The following USP31 variants were observed in gnomAD, a reference collection of about 807,000 sequenced individuals.
USP31 encodes ubiquitin specific peptidase 31.
A neutral mutation model predicts 119.4 loss-of-function variants in USP31; 44 were observed. That is an observed-to-expected ratio of 0.37 (90% confidence interval 0.29 to 0.47). The LOEUF (loss-of-function observed/expected upper bound fraction) is 0.47. USP31 is among the 20% of genes least tolerant of loss of function. USP31 has a pLI of 0.99. For synonymous variants in USP31, 749 were observed against 705.6 expected, an observed-to-expected ratio of 1.06 and a Z score of -0.97; for missense variants, 1,643 against 1,730.2, an observed-to-expected ratio of 0.95 and a Z score of 0.89.
chr16:23,099,754 T>C (rs1233823002), intron 6 of USP31, among the ~76,000 whole-genome samples: 1 of 152,164 alleles, frequency 6.6e-6, no homozygotes, highest in East Asian at 1.9e-4. Context: ...ACCCACAGAA[T>C]GGGAGAAAAT....
intron 13 of USP31, chr16:23,079,670 A>C: frequency 3.1e-6 from 1 of 322,980 alleles, no homozygotes. Flanking sequence ...AGGTTAGGTA[A>C]ACAAAGAGCA....
chr16:23,090,230 T>C (rs71378493), intron 7 of USP31, among the ~76,000 whole-genome samples: 34,873 of 151,702 alleles, frequency 0.23, 4,761 homozygotes, highest in Admixed American at 0.31. Context: ...ACTAAAAATA[T>C]AAAAAATCCG....
At chr16:23,128,729 G>T (rs868283376) in intron 1 of USP31, among the ~76,000 whole-genome samples, 1 of 152,134 alleles carries the variant, frequency 6.6e-6, no homozygotes, top group Non-Finnish European at 1.5e-5. Flanking sequence ...GGCACCACAA[G>T]AGATAAAACC....
At chr16:23,077,194 C>G (rs1290082676) in intron 13 of USP31, among the ~76,000 whole-genome samples, 1 of 152,226 alleles carries the variant, frequency 6.6e-6, no homozygotes, top group Non-Finnish European at 1.5e-5. Context: ...GCGCTTCCTA[C>G]AGCAGGCAGA....
At chr16:23,105,320 A>C in intron 5 of USP31, 121 bp downstream of exon 5, 2 of 1,276,966 alleles carry the variant, frequency 1.6e-6, no homozygotes, top group Non-Finnish European at 2.1e-6. Flanking sequence ...CTAAACTCTA[A>C]ATGCAACTGG....
intron 1 of USP31, among the ~76,000 whole-genome samples, chr16:23,134,492 T>A (rs1281529203): frequency 4.0e-5 from 6 of 151,798 alleles, no homozygotes; most frequent in African/African-American, 1.5e-4. Flanking sequence ...GCCCAAAGAG[T>A]TAAGTGCCAA....
chr16:23,096,699 C>T (rs1567234251), intron 6 of USP31, among the ~76,000 whole-genome samples: 1 of 152,202 alleles, frequency 6.6e-6, no homozygotes, highest in East Asian at 1.9e-4. Flanking sequence ...TCACTCAAAA[C>T]TGTACAACTA....
chr16:23,110,996 T>C lies in USP31; in HGVS notation c.634-2813A>G, dbSNP rs113437857. On this transcript the variant is annotated intron_variant, in intron 1 of 15. Transcript: ENST00000219689. ...ACAAAAAATTAGCCAGGCGTGGTGG[T>C]GGGCGCCTGTAGTCCTAGTGACTTG... 6.0e-3 allele frequency among the ~76,000 whole-genome samples: 912 copies of C among 151,982 alleles called. 6 individuals are homozygous for C. Among genetic ancestry groups the C allele is most frequent in the African/African-American group, 0.021 (858 of 41,460 alleles).
chr16:23,073,468 G>T (rs1406333015), intron 14 of USP31, among the ~76,000 whole-genome samples: 1 of 152,136 alleles, frequency 6.6e-6, no homozygotes, highest in Admixed American at 6.5e-5. Context: ...TTATCCACAA[G>T]AACACATCAT....
chr16:23,112,091 AG>A (rs1468114714), intron 1 of USP31, among the ~76,000 whole-genome samples: 1 of 152,182 alleles, frequency 6.6e-6, no homozygotes, highest in Non-Finnish European at 1.5e-5. Flanking sequence ...AAAATGAACA[AG>A]GGAGAAGGAT....
At chr16:23,126,776 G>A (rs2141892435) in intron 1 of USP31, among the ~76,000 whole-genome samples, 1 of 152,216 alleles carries the variant, frequency 6.6e-6, no homozygotes, top group Non-Finnish European at 1.5e-5. Flanking sequence ...ACTGTGCAGG[G>A]CATGTGATAA....
intron 1 of USP31, among the ~76,000 whole-genome samples, chr16:23,130,679 G>T (rs1389248307): frequency 7.2e-6 from 1 of 138,220 alleles, no homozygotes; most frequent in East Asian, 2.0e-4. Context: ...TGTCAGCCCA[G>T]AAATTACATG....
chr16:23,080,496 C>T (rs1178910609), intron 12 of USP31, among the ~76,000 whole-genome samples: 1 of 152,066 alleles, frequency 6.6e-6, no homozygotes, highest in Non-Finnish European at 1.5e-5. Context: ...TTCCTGATAC[C>T]TCTGTCAAAG....
Position 23,084,974 on chromosome 16 carries a change from A to G in USP31, c.1716T>C (p.Thr572=), listed in dbSNP as rs2141845500. The G allele has an allele frequency of 6.2e-7, 1 of 1,614,074 alleles. No homozygotes were observed. The highest frequency in any genetic ancestry group is 8.5e-7 in the Non-Finnish European group (1 of 1,179,984). Residue 572 remains threonine, a synonymous_variant, in exon 11 of 16, where the codon ACT becomes ACC. Coordinates refer to ENST00000219689, the MANE Select transcript of USP31 (RefSeq NM_020718.4). ...CTGCATCAGGAATATACTCATCCTC[A>G]GTATTTACAAATAAGCTGCAATTAG... ...KETRDFLFVN[T]EDEYIPDAES...
chr16:23,097,320 T>C (rs997229420), intron 6 of USP31, among the ~76,000 whole-genome samples: 1 of 152,108 alleles, frequency 6.6e-6, no homozygotes, highest in Admixed American at 6.5e-5. Flanking sequence ...AATAGACCAA[T>C]AACAGGCTCT....
Position 23,066,980 on chromosome 16 carries a change from T to C in USP31, c.*1066A>G, listed in dbSNP as rs1199720200. 1.3e-5 allele frequency: 2 copies of C among 152,202 alleles called. No homozygotes were observed. The highest frequency in any genetic ancestry group is 2.9e-5 in the Non-Finnish European group (2 of 68,044). 9.4% of individuals were successfully genotyped at this position (152,202 alleles called of 1,614,324 possible). On this transcript the variant is annotated 3_prime_UTR_variant, in exon 16 of 16. Coordinates refer to ENST00000219689, the MANE Select transcript of USP31 (RefSeq NM_020718.4). ...CACACAACGCTTCAACATACCACCATTGGCTTTTGGCAGAAGGCAACTTCT... is the reference window on the plus strand; with the variant it reads ...CACACAACGCTTCAACATACCACCACTGGCTTTTGGCAGAAGGCAACTTCT...
intron 5 of USP31, among the ~76,000 whole-genome samples, chr16:23,105,134 C>T (rs142207144): frequency 0.01 from 1,587 of 152,280 alleles, 32 homozygotes; most frequent in African/African-American, 0.035. Context: ...CTCCACTGCC[C>T]ACATACACAT....
Position 23,072,191 on chromosome 16 carries a change from G to C in USP31, c.2342C>G (p.Thr781Arg), listed in dbSNP as rs1422089468. 2 of 1,606,450 alleles carry C rather than the reference G, an allele frequency of 1.2e-6. No individual in the cohort carries two copies. The highest frequency in any genetic ancestry group is 1.7e-6 in the Non-Finnish European group (2 of 1,179,882). The change falls in exon 15 of 16, where the codon ACA becomes AGA. Residue 781 changes from threonine (T) to arginine (R), a missense_variant. By Grantham distance (71) the Thr-to-Arg change is moderately conservative (BLOSUM62 -1). Coordinates refer to ENST00000219689, the MANE Select transcript of USP31 (RefSeq NM_020718.4). ...WSANSSVAGS[T>R]SSSLCEHWVS... The stretch of plus-strand genomic sequence containing the variant: ...CCAGTGTTCACACAGGGAAGAACTT[G>C]TGGAGCCTGCAGAGAAGAAAACAGG...
rs904959740 is a variant in USP31, at chr16:23,062,332, C to A, written c.*5714G>T. ...ACTTAATGGTAAAACAAACAAAAAA[C>A]AAAACAAAACAAAAACACGAAAAAA... On this transcript the variant is annotated 3_prime_UTR_variant, in exon 16 of 16. Transcript: ENST00000219689. The A allele has an allele frequency of 1.4e-5, 2 of 148,140 alleles. No individual in the cohort carries two copies. The highest frequency in any genetic ancestry group is 2.5e-5 in the African/African-American group (1 of 39,934). The allele number at this position is 148,140 out of a possible 1,614,324, so 9.2% of individuals were successfully genotyped here. A position where few individuals can be genotyped will look rare whatever the true frequency, so the allele number is the denominator to read the frequency against.
Sources: allele counts gnomAD v4.1 joint callset (sites outside exome capture counted in the v4.1 genomes callset), GRCh38; gene constraint gnomAD v4.1.1; transcripts MANE v1.5; gene names NCBI Gene and HGNC (gene_info 2026-07-23, HGNC 2026-07-21).